The following PCDHGA7 variants were observed in gnomAD, a reference collection of about 807,000 sequenced individuals.
PCDHGA7 encodes the protein protocadherin gamma subfamily A, 7.
A neutral mutation model predicts 58.3 loss-of-function variants in PCDHGA7; 44 were observed. The observed-to-expected ratio is 0.75, with a 90% CI of 0.59 to 0.97. The LOEUF (loss-of-function observed/expected upper bound fraction) is 0.97, where lower values mean the gene tolerates loss of function less well. Ranked by LOEUF, PCDHGA7 falls within the 50% of genes least tolerant of loss-of-function variation. The pLI is 0.00. For synonymous variants in PCDHGA7, 516 were observed against 504.2 expected (o/e 1.02, Z -0.31); for missense variants, 1,266 against 1,188.7 (o/e 1.06, Z -0.96).
chr5:141,487,237 T>G lies in PCDHGA7; in HGVS notation c.2425-7570T>G, dbSNP rs1327004790. ...CAGCTCCAAGGGAAGGAGAATCTCGTCTAACCCTCTACTTGGCTGTGTCCC... is the reference window on the plus strand; with the variant it reads ...CAGCTCCAAGGGAAGGAGAATCTCGGCTAACCCTCTACTTGGCTGTGTCCC... On this transcript the variant is annotated intron_variant, in intron 1 of 3. Transcript: ENST00000518325. This position sits in a 1 kb window ranked among gnomAD's most constrained non-coding sequence, Gnocchi z 5.0. 1.2e-6 allele frequency: 2 copies of G among 1,614,004 alleles called. No individual in the cohort carries two copies. The highest frequency in any genetic ancestry group is 1.7e-6 in the Non-Finnish European group (2 of 1,179,988).
intron 1 of PCDHGA7, chr5:141,405,042 T>C (rs765018710): frequency 1.2e-6 from 2 of 1,613,144 alleles, no homozygotes; most frequent in South Asian, 1.1e-5. Flanking sequence ...GTTGTGGCTG[T>C]GGCAGTCGTC....
chr5:141,478,617 G>A (rs1010415342), intron 1 of PCDHGA7: 1 of 1,556,398 alleles, frequency 6.4e-7, no homozygotes, highest in Non-Finnish European at 8.7e-7. Context: ...AGGAAGGAAT[G>A]GAGCTGTTTT....
chr5:141,403,995 C>T, intron 1 of PCDHGA7: 1 of 1,613,762 alleles, frequency 6.2e-7, no homozygotes, highest in Non-Finnish European at 8.5e-7. Context: ...CCTGAAGTGA[C>T]CATTACATCT....
rs70988802 is a variant in PCDHGA7 at position 141,450,006 on chromosome 5, C to CTA, written c.2425-44800_2425-44799insAT. ...CACATTGCATTTAGTTGCCATGTCT[C>CTA]TTTTTTTTTTTTTTTTTTGAGACAG... On this transcript the variant is annotated intron_variant, in intron 1 of 3. Coordinates refer to ENST00000518325, the MANE Select transcript of PCDHGA7 (RefSeq NM_018920.4). Among the ~76,000 whole-genome samples the CTA allele has an allele frequency of 6.0e-5, 8 of 132,986 alleles. 1 individual carries two copies. The highest frequency in any genetic ancestry group is 9.5e-5 in the Non-Finnish European group (6 of 62,926). The allele number at this position is 132,986 out of a possible 152,430, so 87.2% of individuals were successfully genotyped here. A position where few individuals can be genotyped will look rare whatever the true frequency, so the allele number is the denominator to read the frequency against.
At chr5:141,428,020 C>T (rs1443722620) in intron 1 of PCDHGA7, 1 of 1,605,408 alleles carries the variant, frequency 6.2e-7, no homozygotes, top group Admixed American at 1.7e-5. Context: ...GTGCCACGCG[C>T]CGCAGAGTCC....
chr5:141,477,708 G>T lies in PCDHGA7; in HGVS notation c.2425-17099G>T. ...GTGCCCCTAGACTATGAGGATCGGC[G>T]GGAATTTGAATTAACAGCTCATATC... On this transcript the variant is annotated intron_variant, in intron 1 of 3. Transcript: ENST00000518325. The surrounding 1 kb of genome is among the most constrained non-coding windows in gnomAD (Gnocchi z 4.9). 2 of 1,613,930 alleles carry T rather than the reference G, an allele frequency of 1.2e-6. No individual in the cohort carries two copies. Among genetic ancestry groups the T allele is most frequent in the Non-Finnish European group, 1.7e-6 (2 of 1,180,030 alleles).
intron 2 of PCDHGA7, among the ~76,000 whole-genome samples, chr5:141,495,430 C>A (rs1189953474): frequency 6.6e-6 from 1 of 152,220 alleles, no homozygotes; most frequent in Non-Finnish European, 1.5e-5. Context: ...TCCCACTGTC[C>A]TCTGCCCCTA....
At chr5:141,450,627 C>T (rs947866993) in intron 1 of PCDHGA7, among the ~76,000 whole-genome samples, 13 of 151,592 alleles carry the variant, frequency 8.6e-5, no homozygotes, top group African/African-American at 3.2e-4. Context: ...GCTGGGATTA[C>T]AGATGCCTGC....
rs994881086 is a variant in PCDHGA7, at chr5:141,417,704, A to C, written c.2424+32381A>C. 1.0e-4 allele frequency: 125 copies of C among 1,207,342 alleles called. 3 individuals are homozygous for C. In the East Asian group the frequency reaches 2.7e-3, roughly 26 times the overall value. The allele number at this position is 1,207,342 out of a possible 1,614,324, so 74.8% of individuals were successfully genotyped here. Reference sequence around the variant, plus strand: ...CAGAAAAGAAAACCAGCTCCCACACAGAGGCTCCCGGCTGCGCAGACCTTG... The same window carrying C: ...CAGAAAAGAAAACCAGCTCCCACACCGAGGCTCCCGGCTGCGCAGACCTTG... On this transcript the variant is annotated intron_variant, in intron 1 of 3. Transcript: ENST00000518325.
chr5:141,430,881 A>G, intron 1 of PCDHGA7: 4 of 1,600,896 alleles, frequency 2.5e-6, no homozygotes, highest in Non-Finnish European at 3.4e-6. Flanking sequence ...GAGCTGGAGA[A>G]AGGCTCTAGG....
intron 1 of PCDHGA7, among the ~76,000 whole-genome samples, chr5:141,459,111 A>G (rs2098961190): frequency 1.3e-5 from 2 of 152,218 alleles, no homozygotes; most frequent in Non-Finnish European, 2.9e-5. Flanking sequence ...CATTTTGACA[A>G]TTGTTTACAT....
chr5:141,483,530 GC>G (rs1384645281), intron 1 of PCDHGA7, among the ~76,000 whole-genome samples: 2 of 152,158 alleles, frequency 1.3e-5, no homozygotes, highest in African/African-American at 4.8e-5. Flanking sequence ...GACTAAGGAA[GC>G]TGGGTGGTTG....
Position 141,472,217 on chromosome 5 carries a change from C to T in PCDHGA7, c.2425-22590C>T, listed in dbSNP as rs181908144. On this transcript the variant is annotated intron_variant, in intron 1 of 3. Transcript: ENST00000518325. ...CTTTTTGACACTAAGACCTTACTCTCGATCATATAATACATTCACTTTCTA... is the reference window on the plus strand; with the variant it reads ...CTTTTTGACACTAAGACCTTACTCTTGATCATATAATACATTCACTTTCTA... Among the ~76,000 whole-genome samples the T allele has an allele frequency of 3.1e-4, 47 of 152,234 alleles. 1 individual carries two copies. The highest frequency in any genetic ancestry group is 1.1e-3 in the African/African-American group (44 of 41,538).
At position 141,390,017 on chromosome 5, in the gene PCDHGA7, G is replaced by C. The variant is rs2092015490; in HGVS notation, c.2424+4694G>C. Reference sequence around the variant, plus strand: ...TGGCCATGATTCTGGCCATTGCCTTGCGCCTGCGACGCTCCTCCAGCCCCG... The same window carrying C: ...TGGCCATGATTCTGGCCATTGCCTTCCGCCTGCGACGCTCCTCCAGCCCCG... On this transcript the variant is annotated intron_variant, in intron 1 of 3. Transcript: ENST00000518325. 1.9e-6 allele frequency: 3 copies of C among 1,613,898 alleles called. No homozygotes were observed. The South Asian group carries it at 3.3e-5, about 18-fold the overall frequency.
chr5:141,407,135 GA>G (rs796659459), intron 1 of PCDHGA7, among the ~76,000 whole-genome samples: 93 of 151,930 alleles, frequency 6.1e-4, no homozygotes, highest in African/African-American at 2.2e-3. Flanking sequence ...TTATTTTTAA[GA>G]AAAAAAAGCT....
chr5:141,403,713 A>C (rs2094445702), intron 1 of PCDHGA7: 3 of 1,613,946 alleles, frequency 1.9e-6, no homozygotes, highest in Non-Finnish European at 2.5e-6. Flanking sequence ...GTCCTTGAGA[A>C]CGTGCCCCCA....
intron 1 of PCDHGA7, chr5:141,414,230 CCAT>C: frequency 6.2e-7 from 1 of 1,613,308 alleles, no homozygotes; most frequent in Non-Finnish European, 8.5e-7. Context: ...CCAGAGCTGA[CCAT>C]CACGTCTCTA....
In PCDHGA7 at chr5:141,394,565, T is replaced by C. The variant is rs199836246; in HGVS notation, c.2424+9242T>C. ...AGCTGGCGCCCCGCTCCGCAGAGCG[T>C]GGCTACCTGGTGACCAAGGTGGTGG... On this transcript the variant is annotated intron_variant, in intron 1 of 3. Transcript: ENST00000518325. The C allele has an allele frequency of 4.7e-3, 7,555 of 1,612,722 alleles. 48 individuals carry two copies. The highest frequency in any genetic ancestry group is 9.5e-3 in the Admixed American group (567 of 59,986).
At chr5:141,433,261 A>G (rs761584659) in intron 1 of PCDHGA7, 4 of 1,344,710 alleles carry the variant, frequency 3.0e-6, no homozygotes, top group Non-Finnish European at 4.1e-6. Context: ...CGGTACGATC[A>G]TAGCTCACTG....
Sources: allele counts gnomAD v4.1 joint callset (sites outside exome capture counted in the v4.1 genomes callset), GRCh38; gene constraint gnomAD v4.1.1; non-coding constraint Gnocchi (gnomAD v3.1); transcripts MANE v1.5; gene names NCBI Gene and HGNC (gene_info 2026-07-23, HGNC 2026-07-21).